Variants in KAZN observed in about 807,000 individuals in gnomAD.
KAZN encodes kazrin.
KAZN carries 40 observed loss-of-function variants against 87.4 expected under a neutral mutation model. That is an observed-to-expected ratio of 0.46 (90% CI 0.36 to 0.60). KAZN has a LOEUF of 0.60. Among genes scored for constraint, KAZN ranks in the 20% least tolerant of loss-of-function variants. The probability of loss-of-function intolerance (pLI) is 0.00; values close to 1 mark genes in which losing one functional copy is unlikely to be tolerated. For synonymous variants in KAZN, 466 were observed against 458.3 expected, an observed-to-expected ratio of 1.02 and a Z score of -0.22; for missense variants, 898 against 1,073.9, an observed-to-expected ratio of 0.84 and a Z score of 2.29.
At chr1:15,008,130 T>C (rs1457884468) in intron 2 of KAZN, among the ~76,000 whole-genome samples, 1 of 152,200 alleles carries the variant, frequency 6.6e-6, no homozygotes, top group Non-Finnish European at 1.5e-5. Context: ...AGTGGGTAGC[T>C]GCTCCCCCTG....
intron 1 of KAZN, among the ~76,000 whole-genome samples, chr1:14,133,944 G>A (rs1011705999): frequency 2.0e-4 from 31 of 152,194 alleles, no homozygotes; most frequent in African/African-American, 6.8e-4. Context: ...TAGAGTGGAC[G>A]TTTCATCATA....
chr1:14,443,831 C>G lies in KAZN; in HGVS notation c.250-155152C>G, dbSNP rs74059511. Among the ~76,000 whole-genome samples the G allele has an allele frequency of 1.0e-2, 1,516 of 152,250 alleles. 29 individuals are homozygous for G. Among genetic ancestry groups the G allele is most frequent in the African/African-American group, 0.034 (1,431 of 41,538 alleles). On this transcript the variant is annotated intron_variant, in intron 2 of 16. Coordinates refer to the KAZN transcript ENST00000636203. ...GCCAAAATGGTATAGCAGCATTTTG[C>G]TATAATTTTATAGCAGGATTGTTCT... is the stretch of plus-strand genomic sequence containing the variant.
chr1:14,883,346 GAAA>G (rs1653600996), intron 1 of KAZN, among the ~76,000 whole-genome samples: 1 of 32,530 alleles, frequency 3.1e-5, no homozygotes, highest in African/African-American at 9.5e-5. Context: ...GAGAGAGAAA[GAAA>G]GAAAGAAAAG....
intron 8 of KAZN, chr1:15,068,099 A>T: frequency 2.2e-6 from 2 of 918,050 alleles, no homozygotes; most frequent in Non-Finnish European, 2.6e-6. Flanking sequence ...GAAGGCATGG[A>T]TGCAAATATA....
At chr1:15,108,742 A>G (rs1231997817) in intron 13 of KAZN, among the ~76,000 whole-genome samples, 2 of 152,170 alleles carry the variant, frequency 1.3e-5, no homozygotes, top group Non-Finnish European at 2.9e-5. Flanking sequence ...ATGCCTATTT[A>G]GTGCCCAGGG....
At chr1:14,980,233 T>C in intron 2 of KAZN, among the ~76,000 whole-genome samples, 1 of 152,210 alleles carries the variant, frequency 6.6e-6, no homozygotes, top group East Asian at 1.9e-4. Flanking sequence ...TGTAAATATT[T>C]TACTAAGCTT....
intron 2 of KAZN, among the ~76,000 whole-genome samples, chr1:14,342,261 C>G (rs922796482): frequency 6.6e-6 from 1 of 152,154 alleles, no homozygotes; most frequent in Non-Finnish European, 1.5e-5. Flanking sequence ...GTTGATTCCA[C>G]GTCTGTGCTA....
At chr1:14,467,052 C>G (rs185423330) in intron 2 of KAZN, among the ~76,000 whole-genome samples, 2 of 152,090 alleles carry the variant, frequency 1.3e-5, no homozygotes, top group African/African-American at 4.8e-5. Context: ...ACATAAAAGA[C>G]AGTATAAATA....
At chr1:15,002,612 T>C (rs58510365) in intron 2 of KAZN, among the ~76,000 whole-genome samples, 15,383 of 152,036 alleles carry the variant, frequency 0.1, 860 homozygotes, top group South Asian at 0.18. Context: ...CCATCATCAT[T>C]GTCATCATCT....
intron 2 of KAZN, among the ~76,000 whole-genome samples, chr1:14,492,122 T>C (rs1162631986): frequency 6.6e-6 from 1 of 152,258 alleles, no homozygotes; most frequent in East Asian, 1.9e-4. Context: ...GGGACAGCAG[T>C]AGATCCTAGA....
intron 2 of KAZN, among the ~76,000 whole-genome samples, chr1:14,199,346 G>A (rs1646592777): frequency 6.6e-6 from 1 of 152,178 alleles, no homozygotes; most frequent in African/African-American, 2.4e-5. Context: ...GTTTCTGTGA[G>A]TAGACGGCTC....
chr1:14,624,108 G>T (rs1010315066), intron 1 of KAZN, among the ~76,000 whole-genome samples: 2 of 152,162 alleles, frequency 1.3e-5, no homozygotes, highest in Non-Finnish European at 2.9e-5. Flanking sequence ...AGTCCTACTT[G>T]TCCTATCAGT....
intron 1 of KAZN, among the ~76,000 whole-genome samples, chr1:14,166,028 G>A (rs372357173): frequency 6.6e-6 from 1 of 152,206 alleles, no homozygotes; most frequent in East Asian, 1.9e-4. Context: ...TATCTCAAAA[G>A]TAAATTAAAA....
chr1:14,149,590 T>C (rs1235176605), intron 1 of KAZN, among the ~76,000 whole-genome samples: 1 of 151,970 alleles, frequency 6.6e-6, no homozygotes, highest in African/African-American at 2.4e-5. Flanking sequence ...TCCCTGGGCG[T>C]TTTCATCGGT....
At chr1:14,236,467 G>T (rs989678097) in intron 2 of KAZN, among the ~76,000 whole-genome samples, 5 of 152,158 alleles carry the variant, frequency 3.3e-5, no homozygotes, top group South Asian at 2.1e-4. Context: ...ACAGAGGCCT[G>T]GCCGGGGCTT....
intron 1 of KAZN, among the ~76,000 whole-genome samples, chr1:14,771,143 A>G (rs1645008294): frequency 6.6e-6 from 1 of 152,198 alleles, no homozygotes; most frequent in Non-Finnish European, 1.5e-5. Flanking sequence ...TATGAACAAT[A>G]TGCTATCACA....
chr1:14,028,343 G>A (rs1369280073), intron 1 of KAZN, among the ~76,000 whole-genome samples: 1 of 152,150 alleles, frequency 6.6e-6, no homozygotes, highest in Non-Finnish European at 1.5e-5. Context: ...ACAGAAACCT[G>A]CTCATATTGT....
chr1:14,484,884 C>T (rs1366933283), intron 2 of KAZN, among the ~76,000 whole-genome samples: 1 of 152,190 alleles, frequency 6.6e-6, no homozygotes, highest in Non-Finnish European at 1.5e-5. Context: ...TGCCAAAATG[C>T]TTTGTCAAAC....
At position 14,926,464 on chromosome 1, in the gene KAZN, A is replaced by G. The variant is rs76641352; in HGVS notation, c.227-34220A>G. Among the ~76,000 whole-genome samples, 1,118 of 152,312 alleles carry G rather than the reference A, an allele frequency of 7.3e-3. 17 individuals carry two copies. The highest frequency in any genetic ancestry group is 0.026 in the African/African-American group (1,064 of 41,560). On this transcript the variant is annotated intron_variant, in intron 1 of 14. Transcript: ENST00000376030. The stretch of plus-strand genomic sequence containing the variant: ...TCCGTTTTAAAAGACAGCACATTGG[A>G]AAACTCTTTTCCCAGTTTACAGATG...
Sources: gnomAD v4.1 joint callset for allele counts (sites outside exome capture counted in the v4.1 genomes callset) on GRCh38, gnomAD v4.1.1 for gene constraint, MANE v1.5 for transcripts, NCBI Gene and HGNC (gene_info 2026-07-23, HGNC 2026-07-21) for gene names.